SCFD2: variants seen among roughly 807,000 people sequenced by gnomAD.
SCFD2 encodes the protein sec1 family domain-containing protein 2.
A neutral mutation model predicts 58.9 loss-of-function variants in SCFD2; 54 were observed. The ratio of observed to expected loss-of-function variants is 0.92; its 90% CI spans 0.74 to 1.15. The LOEUF is 1.15. Ranked by LOEUF, SCFD2 falls within the 50% of genes most tolerant of loss-of-function variation. The pLI is 0.00. For synonymous variants in SCFD2, 321 were observed against 335.9 expected, an observed-to-expected ratio of 0.96 and a Z score of 0.49; for missense variants, 805 against 836.6, an observed-to-expected ratio of 0.96 and a Z score of 0.47.
intron 5 of SCFD2, among the ~76,000 whole-genome samples, chr4:52,941,412 G>C (rs899738294): frequency 6.6e-6 from 1 of 152,196 alleles, no homozygotes; most frequent in Non-Finnish European, 1.5e-5. Flanking sequence ...GCTTCTTTTG[G>C]TGGGTCTTTC....
At chr4:53,356,579 C>T (rs2149168746) in intron 1 of SCFD2, among the ~76,000 whole-genome samples, 1 of 152,214 alleles carries the variant, frequency 6.6e-6, no homozygotes, top group Admixed American at 6.5e-5. Flanking sequence ...CATGCAACAC[C>T]ATGCCCAGCT....
At chr4:53,248,066 C>T (rs1266070804) in intron 4 of SCFD2, among the ~76,000 whole-genome samples, 4 of 152,142 alleles carry the variant, frequency 2.6e-5, no homozygotes, top group South Asian at 2.1e-4. Flanking sequence ...GTGGGTGCAG[C>T]GCACCATGCG....
intron 5 of SCFD2, among the ~76,000 whole-genome samples, chr4:53,011,182 T>C (rs1405447566): frequency 3.3e-5 from 5 of 152,254 alleles, no homozygotes; most frequent in African/African-American, 4.8e-5. Flanking sequence ...GATAGTATTA[T>C]GAGGCTGTGC....
intron 4 of SCFD2, among the ~76,000 whole-genome samples, chr4:53,253,746 G>A (rs1251818911): frequency 9.0e-6 from 1 of 111,410 alleles, no homozygotes; most frequent in Non-Finnish European, 1.8e-5. Flanking sequence ...TCGTGGGGTG[G>A]GGGGAGGGGG....
chr4:53,271,833 A>C (rs906345468), intron 4 of SCFD2, among the ~76,000 whole-genome samples: 1 of 152,202 alleles, frequency 6.6e-6, no homozygotes, highest in Admixed American at 6.5e-5. Context: ...CAATGGCAAC[A>C]AAAGCCAAAA....
chr4:53,001,855 CA>C (rs984448611), intron 5 of SCFD2, among the ~76,000 whole-genome samples: 1 of 152,172 alleles, frequency 6.6e-6, no homozygotes, highest in Non-Finnish European at 1.5e-5. Context: ...ATTATTATGC[CA>C]TTTTACAGAT....
At chr4:53,219,469 G>A (rs1728979913) in intron 4 of SCFD2, among the ~76,000 whole-genome samples, 1 of 152,214 alleles carries the variant, frequency 6.6e-6, no homozygotes, top group Non-Finnish European at 1.5e-5. Flanking sequence ...TGTGCCGTTT[G>A]CTAAGACCGT....
At chr4:53,078,254 C>G (rs1314098145) in intron 5 of SCFD2, among the ~76,000 whole-genome samples, 1 of 152,028 alleles carries the variant, frequency 6.6e-6, no homozygotes, top group African/African-American at 2.4e-5. Flanking sequence ...ATTTAAAAAC[C>G]CAGTCTATAT....
intron 4 of SCFD2, among the ~76,000 whole-genome samples, chr4:53,160,741 G>C (rs1726829019): frequency 6.6e-6 from 1 of 152,164 alleles, no homozygotes; most frequent in East Asian, 1.9e-4. Context: ...AAACTTAATA[G>C]ACAGGATAAG....
At chr4:53,199,890 T>A (rs1228287492) in intron 4 of SCFD2, among the ~76,000 whole-genome samples, 1 of 151,960 alleles carries the variant, frequency 6.6e-6, no homozygotes, top group African/African-American at 2.4e-5. Context: ...TGCAGATGGC[T>A]TTTTTCATGT....
intron 5 of SCFD2, among the ~76,000 whole-genome samples, chr4:53,012,445 A>G (rs1351193458): frequency 6.6e-6 from 1 of 152,000 alleles, no homozygotes; most frequent in Admixed American, 6.6e-5. Context: ...TCCTGGTCAA[A>G]TAGGTTGGTC....
At chr4:53,135,243 C>T (rs1725901363) in intron 5 of SCFD2, among the ~76,000 whole-genome samples, 3 of 152,098 alleles carry the variant, frequency 2.0e-5, no homozygotes, top group Admixed American at 6.6e-5. Context: ...ATGCCTAAGG[C>T]GGGGGCTCTA....
intron 5 of SCFD2, among the ~76,000 whole-genome samples, chr4:53,087,292 G>A (rs1012718949): frequency 2.0e-5 from 3 of 152,176 alleles, no homozygotes; most frequent in Non-Finnish European, 4.4e-5. Context: ...ACAAAACATA[G>A]AAGGTAGAAC....
chr4:53,139,564 C>G (rs1487202618), intron 5 of SCFD2, among the ~76,000 whole-genome samples: 1 of 150,718 alleles, frequency 6.6e-6, no homozygotes, highest in Non-Finnish European at 1.5e-5. Context: ...CCCCTCCGCC[C>G]GGCAGCCGCC....
chr4:53,348,830 T>A (rs2149159502), intron 2 of SCFD2, among the ~76,000 whole-genome samples: 1 of 152,074 alleles, frequency 6.6e-6, no homozygotes, highest in African/African-American at 2.4e-5. Context: ...TTCTTCTGCC[T>A]CAACCTCCCG....
intron 4 of SCFD2, among the ~76,000 whole-genome samples, chr4:53,176,262 T>A (rs545669671): frequency 6.6e-6 from 1 of 152,338 alleles, no homozygotes; most frequent in African/African-American, 2.4e-5. Flanking sequence ...TTTTGCCAAG[T>A]CTAAAAACAC....
intron 5 of SCFD2, chr4:52,957,535 G>A (rs917162825): frequency 2.6e-5 from 4 of 152,332 alleles, no homozygotes; most frequent in Admixed American, 6.5e-5. Context: ...TCACAAAGGC[G>A]GAGGCCAACA....
intron 3 of SCFD2, among the ~76,000 whole-genome samples, chr4:53,303,773 T>A (rs887192825): frequency 2.3e-4 from 35 of 151,586 alleles, no homozygotes; most frequent in African/African-American, 7.5e-4. Context: ...TATGCAGCCA[T>A]AAAAAAGGAT....
At chr4:52,916,813 GCCTCTTTTGTTCTTTA>G (rs1419021467) in intron 6 of SCFD2, among the ~76,000 whole-genome samples, 1 of 152,164 alleles carries the variant, frequency 6.6e-6, no homozygotes, top group East Asian at 1.9e-4. Flanking sequence ...ACAAAGGAAG[GCCTCTTTTGTTCTTTA>G]CTGTTACAAT....
Sources: gnomAD v4.1 joint callset for allele counts (sites outside exome capture counted in the v4.1 genomes callset) on GRCh38, gnomAD v4.1.1 for gene constraint, MANE v1.5 for transcripts, NCBI Gene and HGNC (gene_info 2026-07-23, HGNC 2026-07-21) for gene names.